PTPRM: variants seen among roughly 807,000 people sequenced by gnomAD.
The protein encoded by PTPRM is receptor-type tyrosine-protein phosphatase mu.
Under a neutral mutation model 186.7 loss-of-function variants are expected in PTPRM, and 47 were observed. The observed-to-expected ratio is 0.25, with a 90% CI of 0.20 to 0.32. The LOEUF is 0.32. Ranked by LOEUF, PTPRM falls within the 10% of genes least tolerant of loss-of-function variation. PTPRM has a pLI of 1.00. For missense variants in PTPRM, 1,494 were observed against 1,865.0 expected (o/e 0.80, Z 3.66); for synonymous variants, 668 against 674.9 (o/e 0.99, Z 0.16).
At chr18:7,676,629 G>C (rs867853936) in intron 1 of PTPRM, among the ~76,000 whole-genome samples, 8 of 93,428 alleles carry the variant, frequency 8.6e-5, no homozygotes, top group South Asian at 3.7e-4. Context: ...GATTCTAGCT[G>C]TGTGTGTGTG....
chr18:8,359,347 T>C (rs532755714), intron 23 of PTPRM, among the ~76,000 whole-genome samples: 18 of 152,368 alleles, frequency 1.2e-4, no homozygotes, highest in Middle Eastern at 6.8e-3. Flanking sequence ...CTCTTTCACA[T>C]TGTCTAGCTG....
chr18:8,396,685 G>C (rs1181899420), intron 32 of PTPRM, among the ~76,000 whole-genome samples: 1 of 152,240 alleles, frequency 6.6e-6, no homozygotes, highest in African/African-American at 2.4e-5. Context: ...TGGGTGCCCA[G>C]ACCTCCAAAG....
chr18:8,305,250 AC>A (rs1207742302), intron 20 of PTPRM, among the ~76,000 whole-genome samples: 3 of 152,142 alleles, frequency 2.0e-5, no homozygotes, highest in Non-Finnish European at 2.9e-5. Context: ...TAGGAAAAAA[AC>A]GTCTGTTTTA....
chr18:8,396,138 G>A (rs2095844334), intron 32 of PTPRM, among the ~76,000 whole-genome samples: 1 of 152,218 alleles, frequency 6.6e-6, no homozygotes, highest in Non-Finnish European at 1.5e-5. Context: ...CACCTGAATG[G>A]TAAAGAGTTC....
intron 21 of PTPRM, among the ~76,000 whole-genome samples, chr18:8,317,180 G>T (rs761023114): frequency 6.6e-6 from 1 of 151,984 alleles, no homozygotes; most frequent in East Asian, 1.9e-4. Flanking sequence ...CTGCTATGTG[G>T]CTGTGGGAAT....
At chr18:8,170,403 T>C (rs2093381492) in intron 14 of PTPRM, among the ~76,000 whole-genome samples, 1 of 152,130 alleles carries the variant, frequency 6.6e-6, no homozygotes, top group African/African-American at 2.4e-5. Flanking sequence ...AGCAGTAAAT[T>C]TGTAAATGAG....
chr18:7,789,876 G>A (rs1416882756), intron 2 of PTPRM, among the ~76,000 whole-genome samples: 6 of 152,186 alleles, frequency 3.9e-5, no homozygotes, highest in Admixed American at 2.0e-4. Flanking sequence ...AGTAATAAAA[G>A]TCTGTAGTTG....
At chr18:8,212,583 T>C (rs1266602600) in intron 14 of PTPRM, among the ~76,000 whole-genome samples, 2 of 152,130 alleles carry the variant, frequency 1.3e-5, no homozygotes, top group East Asian at 1.9e-4. Context: ...GGCAGGAGGA[T>C]AGCTTGAAGC....
intron 1 of PTPRM, among the ~76,000 whole-genome samples, chr18:7,592,432 A>G (rs969533886): frequency 6.6e-6 from 1 of 152,200 alleles, no homozygotes; most frequent in Non-Finnish European, 1.5e-5. Flanking sequence ...GGATGCCCCA[A>G]GGGTGTCATC....
intron 4 of PTPRM, among the ~76,000 whole-genome samples, chr18:7,925,161 T>C (rs2051098141): frequency 6.6e-6 from 1 of 152,194 alleles, no homozygotes; most frequent in South Asian, 2.1e-4. Flanking sequence ...TTTAGGGACT[T>C]TTTACAGAGA....
At chr18:8,167,145 T>A (rs2093335712) in intron 14 of PTPRM, among the ~76,000 whole-genome samples, 1 of 152,352 alleles carries the variant, frequency 6.6e-6, no homozygotes, top group South Asian at 2.1e-4. Flanking sequence ...AGCATCTAAG[T>A]AGGCTTGAAA....
chr18:8,336,840 G>C (rs2095442609), intron 22 of PTPRM, among the ~76,000 whole-genome samples: 1 of 151,732 alleles, frequency 6.6e-6, no homozygotes, highest in African/African-American at 2.4e-5. Context: ...AGCTGGGTGT[G>C]GTGGTGCGTG....
intron 22 of PTPRM, among the ~76,000 whole-genome samples, chr18:8,331,936 T>C (rs1487561917): frequency 1.3e-5 from 2 of 152,238 alleles, no homozygotes; most frequent in African/African-American, 4.8e-5. Flanking sequence ...AAGGCTTCCC[T>C]GGTGCACACT....
At chr18:8,271,198 A>G (rs2094767454) in intron 19 of PTPRM, among the ~76,000 whole-genome samples, 1 of 152,120 alleles carries the variant, frequency 6.6e-6, no homozygotes, top group African/African-American at 2.4e-5. Context: ...TATATTATTT[A>G]CCATGGATAG....
At chr18:8,302,005 G>T (rs2095163603) in intron 20 of PTPRM, among the ~76,000 whole-genome samples, 1 of 152,356 alleles carries the variant, frequency 6.6e-6, no homozygotes, top group South Asian at 2.1e-4. Flanking sequence ...TAGGGGCAGA[G>T]GTGGGAGATG....
intron 3 of PTPRM, among the ~76,000 whole-genome samples, chr18:7,894,597 A>C (rs2049255674): frequency 6.6e-6 from 1 of 151,342 alleles, no homozygotes; most frequent in Admixed American, 6.6e-5. Flanking sequence ...GGAAAAATAT[A>C]TATATATATA....
chr18:7,902,355 G>C (rs79608113), intron 3 of PTPRM, among the ~76,000 whole-genome samples: 2 of 152,146 alleles, frequency 1.3e-5, no homozygotes, highest in Non-Finnish European at 2.9e-5. Flanking sequence ...AATATGGGGC[G>C]AATTGGCTTG....
chr18:7,880,803 A>G (rs578157561), intron 2 of PTPRM, among the ~76,000 whole-genome samples: 3 of 152,306 alleles, frequency 2.0e-5, no homozygotes, highest in Admixed American at 1.3e-4. Flanking sequence ...GTAACCTGGT[A>G]TTATGATAAT....
chr18:8,379,044 A>AG (rs1241167328), intron 27 of PTPRM, 123 bp from the exon 28 acceptor site: 266 of 691,098 alleles, frequency 3.8e-4, no homozygotes, highest in South Asian at 5.4e-4. Flanking sequence ...TGGGTTGGGG[A>AG]GGGAGGGGGA....
Sources: allele counts gnomAD v4.1 joint callset (sites outside exome capture counted in the v4.1 genomes callset), GRCh38; gene constraint gnomAD v4.1.1; transcripts MANE v1.5; gene names NCBI Gene and HGNC (gene_info 2026-07-23, HGNC 2026-07-21).